ATP5MJ: variants seen among roughly 807,000 people sequenced by gnomAD.
The protein encoded by ATP5MJ is ATP synthase F(0) complex subunit j, mitochondrial.
Under a neutral mutation model 8.3 loss-of-function variants are expected in ATP5MJ, and 4 were observed. The ratio of observed to expected loss-of-function variants is 0.48; its 90% CI spans 0.24 to 1.11. The LOEUF (loss-of-function observed/expected upper bound fraction) is 1.11, where lower values mean the gene tolerates loss of function less well. Ranked by LOEUF, ATP5MJ falls within the 50% of genes least tolerant of loss-of-function variation. The probability of loss-of-function intolerance (pLI) is 0.18; values close to 1 mark genes in which losing one functional copy is unlikely to be tolerated. For missense variants in ATP5MJ, 66 were observed against 71.8 expected (o/e 0.92, Z 0.29); for synonymous variants, 23 against 21.3 (o/e 1.08, Z -0.23).
chr14:103,913,935 A>G, intron 3 of ATP5MJ, 26 bp downstream of exon 3: 1 of 1,610,344 alleles, frequency 6.2e-7, no homozygotes, highest in Non-Finnish European at 8.5e-7. Flanking sequence ...TCCATTCCCA[A>G]CCATTTTCAG....
chr14:103,919,994 T>G lies in ATP5MJ; in HGVS notation c.-1+1476A>C, dbSNP rs2087660737. ...AGAGGCCGCCACCACACCCAGCTAA[T>G]TTTTGTATTTTTAGTAGAAACGGGG... On this transcript the variant is annotated intron_variant, in intron 1 of 3. Transcript: ENST00000286953. Among the ~76,000 whole-genome samples the G allele has an allele frequency of 2.7e-5, 4 of 150,800 alleles. 1 individual carries two copies. In the South Asian group the frequency reaches 8.4e-4, roughly 32 times the overall value.
intron 1 of ATP5MJ, chr14:103,918,027 T>G (rs538595293): frequency 2.3e-4 from 35 of 152,288 alleles, no homozygotes; most frequent in African/African-American, 8.2e-4. Context: ...GACTGTGTCC[T>G]TCTCCTGGAA....
At position 103,913,507 on chromosome 14, in the gene ATP5MJ, A is replaced by G. The variant is rs1461726924; in HGVS notation, c.148+454T>C. 3 of 203,792 alleles carry G rather than the reference A, an allele frequency of 1.5e-5. No homozygotes were observed. The East Asian group carries it at 3.4e-4, about 23-fold the overall frequency. 12.6% of individuals were successfully genotyped at this position (203,792 alleles called of 1,614,324 possible). A position where few individuals can be genotyped will look rare whatever the true frequency, so the allele number is the denominator to read the frequency against. On this transcript the variant is annotated intron_variant, in intron 3 of 3. Transcript: ENST00000286953. ...GTGCCTGTAGTCCCAGCTACTCAGAAGGCTGAGGCAGGAGAACGGCATGAA... is the reference window on the plus strand; with the variant it reads ...GTGCCTGTAGTCCCAGCTACTCAGAGGGCTGAGGCAGGAGAACGGCATGAA...
chr14:103,914,925 G>A, intron 2 of ATP5MJ, 141 bp downstream of exon 2: 2 of 1,043,860 alleles, frequency 1.9e-6, no homozygotes, highest in Non-Finnish European at 1.4e-6. Context: ...TGTGCTCCCT[G>A]TATTTTTTAC....
At chr14:103,913,902 C>A (rs770854322) in intron 3 of ATP5MJ, 59 bp downstream of exon 3, 9 of 1,565,770 alleles carry the variant, frequency 5.7e-6, no homozygotes, top group Non-Finnish European at 7.9e-6. Context: ...TATACCTTGT[C>A]CTGAAAAGAC....
rs1802293 is a variant in ATP5MJ at position 103,912,620 on chromosome 14, C to T, written c.*46G>A. On this transcript the variant is annotated 3_prime_UTR_variant, in exon 4 of 4. Coordinates refer to ENST00000286953, the MANE Select transcript of ATP5MJ (RefSeq NM_004894.3). ...ATCTAACACGGCTTGCTGAAATTTA[C>T]AGGCAGACTGACGTTTTCTTTCACA... is the stretch of plus-strand genomic sequence containing the variant. 1.2e-6 allele frequency: 2 copies of T among 1,601,952 alleles called. No individual in the cohort carries two copies. The highest frequency in any genetic ancestry group is 1.7e-4 in the Middle Eastern group (1 of 6,036).
chr14:103,914,009 A>AT, intron 2 of ATP5MJ, 25 bp from the exon 3 acceptor site: 1 of 1,598,552 alleles, frequency 6.3e-7, no homozygotes, highest in Non-Finnish European at 8.5e-7. Context: ...AGGAAAAAAA[A>AT]GCAGTCATAT....
At chr14:103,915,648 ATTT>A (rs542646013) in intron 1 of ATP5MJ, among the ~76,000 whole-genome samples, 5 of 132,866 alleles carry the variant, frequency 3.8e-5, no homozygotes, top group Non-Finnish European at 4.9e-5. Context: ...GTGCCTGGCC[ATTT>A]TTTTTTTTTT....
chr14:103,915,798 G>A (rs966963501), intron 1 of ATP5MJ, among the ~76,000 whole-genome samples: 2 of 151,876 alleles, frequency 1.3e-5, no homozygotes, highest in African/African-American at 4.8e-5. Context: ...TGGGACTCAT[G>A]CTTTCCACAG....
chr14:103,914,858 G>GAAAAAAAAAAAA, intron 2 of ATP5MJ: 2 of 322,752 alleles, frequency 6.2e-6, no homozygotes, highest in South Asian at 5.7e-5. Context: ...AAAAAAAAAA[G>GAAAAAAAAAAAA]AAAAGAAAAG....
In ATP5MJ at chr14:103,912,308, A is replaced by G. The variant is rs1291348265; in HGVS notation, c.*358T>C. 1 of 220,330 alleles carries G rather than the reference A, an allele frequency of 4.5e-6. No individual in the cohort carries two copies. Among genetic ancestry groups the G allele is most frequent in the Non-Finnish European group, 8.9e-6 (1 of 112,874 alleles). 13.6% of individuals were successfully genotyped at this position (220,330 alleles called of 1,614,324 possible). On this transcript the variant is annotated 3_prime_UTR_variant, in exon 4 of 4. Transcript: ENST00000286953. ...CAAGATAAGTAGCAGGATCAAGTTT[A>G]ATAAACGTTTATTGAGCAGTAGAAT...
intron 2 of ATP5MJ, chr14:103,914,203 C>A (rs993820917): frequency 1.7e-5 from 10 of 587,074 alleles, no homozygotes; most frequent in African/African-American, 1.7e-4. Context: ...TTACCTTCTA[C>A]AATGTCCTAA....
intron 1 of ATP5MJ, chr14:103,921,097 G>A (rs776547078): frequency 3.7e-5 from 53 of 1,437,518 alleles, no homozygotes; most frequent in Non-Finnish European, 5.0e-5. Context: ...AGTTATAAAG[G>A]AGAGAAGGGA....
intron 1 of ATP5MJ, among the ~76,000 whole-genome samples, chr14:103,919,677 T>TG (rs1318442030): frequency 1.3e-5 from 2 of 152,170 alleles, no homozygotes; most frequent in Non-Finnish European, 2.9e-5. Flanking sequence ...CACCCTGGTA[T>TG]GGTCTCCTTA....
chr14:103,918,711 G>C (rs2087645777), intron 1 of ATP5MJ, among the ~76,000 whole-genome samples: 1 of 152,126 alleles, frequency 6.6e-6, no homozygotes, highest in Admixed American at 6.5e-5. Flanking sequence ...CCCCCAGAGG[G>C]CTGTCAATGC....
intron 1 of ATP5MJ, among the ~76,000 whole-genome samples, chr14:103,920,468 C>CT (rs57538744): frequency 0.28 from 29,667 of 106,478 alleles, 4,619 homozygotes; most frequent in Admixed American, 0.35. Context: ...ACAGCCCCTA[C>CT]TTTTTTTTTT....
At chr14:103,915,858 A>G (rs920487041) in intron 1 of ATP5MJ, among the ~76,000 whole-genome samples, 4 of 151,872 alleles carry the variant, frequency 2.6e-5, no homozygotes, top group Non-Finnish European at 2.9e-5. Flanking sequence ...ACCTTTGGCC[A>G]TCCTAGCCAC....
At chr14:103,916,353 T>C (rs1333046665) in intron 1 of ATP5MJ, among the ~76,000 whole-genome samples, 1 of 152,236 alleles carries the variant, frequency 6.6e-6, no homozygotes, top group Non-Finnish European at 1.5e-5. Flanking sequence ...CATTTTAATA[T>C]GCTTTTTAAC....
intron 1 of ATP5MJ, chr14:103,920,866 G>A (rs1455113704): frequency 6.7e-6 from 7 of 1,041,584 alleles, no homozygotes; most frequent in African/African-American, 4.8e-5. Context: ...CTTATTCATA[G>A]GCCAAACGTG....
Sources: gnomAD v4.1 joint callset for allele counts (sites outside exome capture counted in the v4.1 genomes callset) on GRCh38, gnomAD v4.1.1 for gene constraint, MANE v1.5 for transcripts, NCBI Gene and HGNC (gene_info 2026-07-23, HGNC 2026-07-21) for gene names.